Variants in SMIM21 observed in about 807,000 individuals in gnomAD.
The protein encoded by SMIM21 is small integral membrane protein 21, also known as chromosome 18 open reading frame 62.
SMIM21 carries 8 observed loss-of-function variants against 8.6 expected under a neutral mutation model. The ratio of observed to expected loss-of-function variants is 0.93; its 90% CI spans 0.55 to 1.68. The LOEUF is 1.68. SMIM21 is among the 40% of genes most tolerant of loss of function. The pLI is 0.00. For missense variants in SMIM21, 132 were observed against 123.0 expected, an observed-to-expected ratio of 1.07 and a Z score of -0.35; for synonymous variants, 43 against 41.7, an observed-to-expected ratio of 1.03 and a Z score of -0.12.
intron 1 of SMIM21, among the ~76,000 whole-genome samples, chr18:75,425,274 T>A (rs1432670087): frequency 6.6e-6 from 1 of 152,156 alleles, no homozygotes; most frequent in Non-Finnish European, 1.5e-5. Context: ...CAGGAGATAC[T>A]GAGTTTCCAG....
chr18:75,418,878 C>T lies in SMIM21; in HGVS notation c.168G>A (p.Leu56=), dbSNP rs537807034. 1 of 1,604,874 alleles carries T rather than the reference C, an allele frequency of 6.2e-7. No homozygotes were observed. Among genetic ancestry groups the T allele is most frequent in the South Asian group, 1.1e-5 (1 of 90,792 alleles). Reference sequence around the variant, plus strand: ...GCAACACCATCACATGGAAAAGAACCAACAATGTGAAGAAACGAATATGGT... The same window carrying T: ...GCAACACCATCACATGGAAAAGAACTAACAATGTGAAGAAACGAATATGGT... ...NEHHIRFFTL[L]VLFHVMVLLR... The change falls in exon 2 of 3, where the codon TTG becomes TTA. Residue 56 remains leucine (L), a synonymous_variant. Transcript: ENST00000579022.
At chr18:75,419,397 G>A (rs1166806613) in intron 1 of SMIM21, among the ~76,000 whole-genome samples, 1 of 152,084 alleles carries the variant, frequency 6.6e-6, no homozygotes, top group East Asian at 1.9e-4. Flanking sequence ...AATTGACAAT[G>A]TGCCAACAAA....
chr18:75,421,951 T>C (rs572151119), intron 1 of SMIM21, among the ~76,000 whole-genome samples: 1 of 152,280 alleles, frequency 6.6e-6, no homozygotes, highest in East Asian at 1.9e-4. Context: ...TTTGGATCCC[T>C]GAAAACACCT....
rs1344381386 is a variant in SMIM21 at position 75,410,789 on chromosome 18, T to C, written c.*75A>G. The C allele has an allele frequency of 5.0e-6, 8 of 1,599,458 alleles. No individual in the cohort carries two copies. In the Admixed American group the frequency reaches 6.9e-5, roughly 14 times the overall value. On this transcript the variant is annotated 3_prime_UTR_variant, in exon 3 of 3. Coordinates refer to ENST00000579022, the MANE Select transcript of SMIM21 (RefSeq NM_001037331.3). ...TCTGCTATCTCTAAGCAATCTGATT[T>C]CCTCTTAATTTCTTTTCATCTTGAG...
At chr18:75,414,609 C>T (rs17057012) in intron 2 of SMIM21, among the ~76,000 whole-genome samples, 5,120 of 152,270 alleles carry the variant, frequency 0.034, 131 homozygotes, top group Admixed American at 0.07. Flanking sequence ...CAGTTGCCTT[C>T]GCTGTGGTAG....
intron 1 of SMIM21, among the ~76,000 whole-genome samples, chr18:75,426,823 CTTAGGACT>C (rs376708324): frequency 1.1e-4 from 17 of 152,168 alleles, no homozygotes; most frequent in African/African-American, 4.1e-4. Flanking sequence ...GAAATTTTGT[CTTAGGACT>C]TTAACCTTTC....
At position 75,427,415 on chromosome 18, in the gene SMIM21, T is replaced by G; in HGVS notation, c.129+20A>C. 2.5e-6 allele frequency: 4 copies of G among 1,611,518 alleles called. No individual in the cohort carries two copies. The highest frequency in any genetic ancestry group is 3.4e-6 in the Non-Finnish European group (4 of 1,178,634). On this transcript the variant is annotated intron_variant, in intron 1 of 2. Transcript: ENST00000579022. The stretch of plus-strand genomic sequence containing the variant: ...GATACGTCTCTCTCATAACCCAAAG[T>G]TAAAGACCCATAAACTCACTGTGGT...
chr18:75,418,729 C>A, intron 2 of SMIM21, 57 bp downstream of exon 2: 1 of 1,475,846 alleles, frequency 6.8e-7, no homozygotes, highest in Non-Finnish European at 9.1e-7. Flanking sequence ...TTATCGTTTA[C>A]TCACTTTCAA....
At chr18:75,418,466 T>C (rs2024672002) in intron 2 of SMIM21, among the ~76,000 whole-genome samples, 1 of 152,210 alleles carries the variant, frequency 6.6e-6, no homozygotes, top group Admixed American at 6.5e-5. Flanking sequence ...ATTAGAGATT[T>C]GCAGGCTCTC....
chr18:75,427,029 C>A (rs1266394983), intron 1 of SMIM21, among the ~76,000 whole-genome samples: 1 of 152,136 alleles, frequency 6.6e-6, no homozygotes, highest in Admixed American at 6.6e-5. Flanking sequence ...TCTAGGAGTG[C>A]AGTATCAAAT....
chr18:75,414,094 CACAT>C (rs769723743), intron 2 of SMIM21, among the ~76,000 whole-genome samples: 5 of 134,534 alleles, frequency 3.7e-5, no homozygotes, highest in East Asian at 2.4e-4. Flanking sequence ...CACACACACA[CACAT>C]ACACACACAC....
chr18:75,427,178 T>C (rs968535560), intron 1 of SMIM21, among the ~76,000 whole-genome samples: 16 of 152,120 alleles, frequency 1.1e-4, no homozygotes, highest in African/African-American at 3.6e-4. Flanking sequence ...ACTGATGTAA[T>C]GTCAAGGGGA....
intron 2 of SMIM21, chr18:75,418,115 AT>A: frequency 2.5e-6 from 1 of 398,342 alleles, no homozygotes; most frequent in East Asian, 3.6e-5. Context: ...CTTTATTTTT[AT>A]TTTTATTTTT....
intron 1 of SMIM21, among the ~76,000 whole-genome samples, chr18:75,425,414 A>G (rs2024751139): frequency 6.6e-6 from 1 of 152,244 alleles, no homozygotes; most frequent in Non-Finnish European, 1.5e-5. Context: ...CCTGGACAAT[A>G]GCAGGAAGGA....
chr18:75,410,618 TG>T lies in SMIM21; in HGVS notation c.*245del. On this transcript the variant is annotated 3_prime_UTR_variant, in exon 3 of 3. Transcript: ENST00000579022. ...ACACGCAGGGCAGATTTCGCAGGGT[TG>T]GGTGGCATCTGCAGCTCTCCTCCGG... The T allele has an allele frequency of 9.9e-7, 1 of 1,005,190 alleles. No homozygotes were observed. The highest frequency in any genetic ancestry group is 1.3e-6 in the Non-Finnish European group (1 of 749,012). 62.3% of individuals were successfully genotyped at this position (1,005,190 alleles called of 1,614,324 possible).
At chr18:75,423,752 C>G (rs1375295499) in intron 1 of SMIM21, among the ~76,000 whole-genome samples, 1 of 152,228 alleles carries the variant, frequency 6.6e-6, no homozygotes, top group Non-Finnish European at 1.5e-5. Flanking sequence ...TAATAAATTA[C>G]TTGTGCTGTG....
In SMIM21 at chr18:75,410,763, A is replaced by G. The variant is rs2024574772; in HGVS notation, c.*101T>C. ...AGCTCCTTTTAAAAAGTGAGCAATA[A>G]TCTGCTATCTCTAAGCAATCTGATT... On this transcript the variant is annotated 3_prime_UTR_variant, in exon 3 of 3. Transcript: ENST00000579022. 1 of 1,563,682 alleles carries G rather than the reference A, an allele frequency of 6.4e-7. No homozygotes were observed. The highest frequency in any genetic ancestry group is 8.6e-7 in the Non-Finnish European group (1 of 1,157,542).
intron 1 of SMIM21, among the ~76,000 whole-genome samples, chr18:75,426,850 G>T (rs970664849): frequency 6.6e-6 from 1 of 152,058 alleles, no homozygotes; most frequent in African/African-American, 2.4e-5. Context: ...TCCGATATAT[G>T]ACTGGGTCAT....
intron 1 of SMIM21, 69 bp downstream of exon 1, chr18:75,427,366 T>C: frequency 6.7e-7 from 1 of 1,493,252 alleles, no homozygotes; most frequent in Non-Finnish European, 9.0e-7. Flanking sequence ...AAAAGAGTGC[T>C]TTGTAGGACC....
Sources: gnomAD v4.1 joint callset for allele counts (sites outside exome capture counted in the v4.1 genomes callset) on GRCh38, gnomAD v4.1.1 for gene constraint, MANE v1.5 for transcripts, NCBI Gene and HGNC (gene_info 2026-07-23, HGNC 2026-07-21) for gene names.